NSF: variants seen among roughly 807,000 people sequenced by gnomAD.
NSF encodes N-ethylmaleimide sensitive factor, vesicle fusing ATPase, also known as vesicle-fusing ATPase.
A neutral mutation model predicts 50.3 loss-of-function variants in NSF; 14 were observed. The observed-to-expected ratio is 0.28, with a 90% CI of 0.18 to 0.44. The LOEUF is 0.44. Among genes scored for constraint, NSF ranks in the 20% least tolerant of loss-of-function variants. The probability of loss-of-function intolerance (pLI) is 1.00; values close to 1 mark genes in which losing one functional copy is unlikely to be tolerated. For synonymous variants in NSF, 109 were observed against 175.7 expected, an observed-to-expected ratio of 0.62 and a Z score of 3.00; for missense variants, 218 against 504.3, an observed-to-expected ratio of 0.43 and a Z score of 5.44.
intron 17 of NSF, among the ~76,000 whole-genome samples, chr17:46,737,264 A>AG (rs1485002716): frequency 6.6e-6 from 1 of 152,220 alleles, no homozygotes; most frequent in Non-Finnish European, 1.5e-5. Flanking sequence ...CTGCCCACCA[A>AG]GGAGTCCACC....
Position 46,755,924 on chromosome 17 carries a change from C to CG in NSF, c.*102dup. ...ACTCAAGATACTGGACTAAGTGGAACGTTCTCTACCTTCAACATGTGCTCG... is the reference window on the plus strand; with the variant it reads ...ACTCAAGATACTGGACTAAGTGGAACGGTTCTCTACCTTCAACATGTGCTCG... On this transcript the variant is annotated 3_prime_UTR_variant, in exon 21 of 21. Coordinates refer to ENST00000398238, the MANE Select transcript of NSF (RefSeq NM_006178.4). The CG allele has an allele frequency of 8.8e-7, 1 of 1,139,356 alleles. No individual in the cohort carries two copies. The highest frequency in any genetic ancestry group is 1.3e-6 in the Non-Finnish European group (1 of 778,946). 70.6% of individuals were successfully genotyped at this position (1,139,356 alleles called of 1,614,324 possible). A position where few individuals can be genotyped will look rare whatever the true frequency, so the allele number is the denominator to read the frequency against.
At chr17:46,722,633 A>G (rs1205322645) in intron 15 of NSF, among the ~76,000 whole-genome samples, 1 of 152,218 alleles carries the variant, frequency 6.6e-6, no homozygotes, top group Non-Finnish European at 1.5e-5. Flanking sequence ...GGCCTGGGCC[A>G]GAAAGGGTGA....
intron 17 of NSF, among the ~76,000 whole-genome samples, chr17:46,746,220 A>G (rs187166669): frequency 7.3e-4 from 111 of 152,342 alleles, no homozygotes; most frequent in Non-Finnish European, 6.5e-4. Context: ...AATAATAATA[A>G]TGATTACCCT....
intron 18 of NSF, among the ~76,000 whole-genome samples, chr17:46,750,500 C>A (rs1255088983): frequency 6.6e-6 from 1 of 152,200 alleles, no homozygotes; most frequent in Non-Finnish European, 1.5e-5. Flanking sequence ...TGTTGGCACT[C>A]AGAAAGTTTC....
intron 15 of NSF, among the ~76,000 whole-genome samples, chr17:46,714,904 G>A (rs557907360): frequency 6.6e-6 from 1 of 152,310 alleles, no homozygotes; most frequent in South Asian, 2.1e-4. Context: ...AGTAAAGACA[G>A]CTCAGGGTTT....
Position 46,751,565 on chromosome 17 carries a change from G to A in NSF, c.2106G>A (p.Lys702=), listed in dbSNP as rs199533. ...TTIAQQVKGK[K]VWIGIKKLLM... Reference sequence around the variant, plus strand: ...TTGCACAGCAAGTCAAAGGGAAGAAGGTCTGGATAGGAATCAAGAAGTTAC... The same window carrying A: ...TTGCACAGCAAGTCAAAGGGAAGAAAGTCTGGATAGGAATCAAGAAGTTAC... Residue 702 remains lysine (K), a synonymous_variant, in exon 19 of 21, where the codon AAG becomes AAA. Coordinates refer to ENST00000398238, the MANE Select transcript of NSF (RefSeq NM_006178.4). 0.18 allele frequency: 287,469 copies of A among 1,613,040 alleles called. 29,444 individuals carry two copies. Among genetic ancestry groups the A allele is most frequent in the Non-Finnish European group, 0.21 (247,985 of 1,179,110 alleles).
chr17:46,753,558 A>C (rs2059204511), intron 19 of NSF, among the ~76,000 whole-genome samples: 2 of 152,174 alleles, frequency 1.3e-5, no homozygotes, highest in Non-Finnish European at 2.9e-5. Flanking sequence ...CCTTGAAAAA[A>C]AGATAAATCT....
chr17:46,735,624 G>A (rs964229297), intron 17 of NSF, among the ~76,000 whole-genome samples: 1 of 152,122 alleles, frequency 6.6e-6, no homozygotes, highest in African/African-American at 2.4e-5. Flanking sequence ...AAGATAATGT[G>A]TAGTGAAGCC....
intron 19 of NSF, among the ~76,000 whole-genome samples, chr17:46,754,721 C>T (rs531162742): frequency 3.9e-5 from 6 of 152,290 alleles, no homozygotes; most frequent in South Asian, 2.1e-4. Flanking sequence ...ATGACACATT[C>T]GCAGTCACAG....
At chr17:46,717,923 A>G (rs897027897) in intron 15 of NSF, among the ~76,000 whole-genome samples, 12 of 152,190 alleles carry the variant, frequency 7.9e-5, no homozygotes, top group African/African-American at 2.7e-4. Flanking sequence ...GCCTTCAGCA[A>G]GACAACAAAG....
rs192058955 is a variant in NSF at position 46,754,584 on chromosome 17, C to T, written c.2158-730C>T. 1.4e-4 allele frequency among the ~76,000 whole-genome samples: 21 copies of T among 152,242 alleles called. No individual in the cohort carries two copies. In the South Asian group the frequency reaches 1.5e-3, roughly 11 times the overall value. On this transcript the variant is annotated intron_variant, in intron 19 of 20. Coordinates refer to ENST00000398238, the MANE Select transcript of NSF (RefSeq NM_006178.4). ...TAACTTCATATCTCCTGTGGGCCTA[C>T]GAGAATAAAGTACATTTAACGAGTT...
intron 12 of NSF, among the ~76,000 whole-genome samples, chr17:46,703,691 A>C (rs1216501297): frequency 2.4e-4 from 36 of 151,230 alleles, no homozygotes; most frequent in East Asian, 1.2e-3. Context: ...AAAAAAAAAA[A>C]AAAAAAAAAA....
rs761093212 is a variant in NSF at position 46,755,806 on chromosome 17, C to G, written c.2218C>G (p.Pro740Ala). 1 of 1,610,746 alleles carries G rather than the reference C, an allele frequency of 6.2e-7. No individual in the cohort carries two copies. The highest frequency in any genetic ancestry group is 8.5e-7 in the Non-Finnish European group (1 of 1,179,496). ...GTTTTGGTATTTCTTTTGCAGTAGC[C>G]CCCTTGATTTTGATTGAAAATGAAC... ...LALLREEGAS[P>A]LDFD Residue 740 changes from proline to alanine, a missense_variant, in exon 21 of 21, where the codon CCC (proline) becomes GCC (alanine). By Grantham distance (27) the Pro-to-Ala change is conservative (BLOSUM62 -1). Transcript: ENST00000398238.
intron 9 of NSF, among the ~76,000 whole-genome samples, chr17:46,690,626 T>A (rs868446576): frequency 0.069 from 3,325 of 47,870 alleles, 77 homozygotes; most frequent in Middle Eastern, 0.2. Context: ...AAAAAAAAAA[T>A]ATATATATAT....
In NSF at chr17:46,748,439, A is replaced by G. The variant is rs563091165; in HGVS notation, c.1909-1334A>G. 1.1e-4 allele frequency among the ~76,000 whole-genome samples: 17 copies of G among 152,302 alleles called. No individual in the cohort carries two copies. The South Asian group carries it at 2.9e-3, about 26-fold the overall frequency. ...TAACCTTATTTTTTACAACTAGCCA[A>G]ACTATTAAGACAAAGGATACAATAG... is the stretch of plus-strand genomic sequence containing the variant. On this transcript the variant is annotated intron_variant, in intron 17 of 20. Coordinates refer to ENST00000398238, the MANE Select transcript of NSF (RefSeq NM_006178.4).
At chr17:46,728,773 C>CAAAAAAA in intron 16 of NSF, 82 bp from the exon 17 acceptor site, 1 of 720,956 alleles carries the variant, frequency 1.4e-6, no homozygotes, top group Non-Finnish European at 2.1e-6. Context: ...ACTTTTGATG[C>CAAAAAAA]AAAAAAAAAA....
chr17:46,708,768 A>G (rs1313927630), intron 13 of NSF, among the ~76,000 whole-genome samples: 1 of 143,116 alleles, frequency 7.0e-6, no homozygotes, highest in Non-Finnish European at 1.5e-5. Context: ...TGCTAGGATT[A>G]TGGGCATGAG....
intron 16 of NSF, 52 bp downstream of exon 16, chr17:46,726,667 T>C (rs766387517): frequency 6.9e-7 from 1 of 1,457,784 alleles, no homozygotes; most frequent in Non-Finnish European, 9.6e-7. Context: ...ACAGCTAATA[T>C]CTCAAAAGTT....
chr17:46,748,163 A>C lies in NSF; in HGVS notation c.1909-1610A>C, dbSNP rs537395558. Among the ~76,000 whole-genome samples the C allele has an allele frequency of 3.9e-5, 6 of 152,194 alleles. No individual in the cohort carries two copies. In the South Asian group the frequency reaches 1.2e-3, roughly 32 times the overall value. The stretch of plus-strand genomic sequence containing the variant: ...GCTCTTGTTGCCCAGGCTGGAGTGC[A>C]ATGGCGTGATCTTGGCTCGGCTCAC... On this transcript the variant is annotated intron_variant, in intron 17 of 20. Transcript: ENST00000398238.
Sources: allele counts gnomAD v4.1 joint callset (sites outside exome capture counted in the v4.1 genomes callset), GRCh38; gene constraint gnomAD v4.1.1; transcripts MANE v1.5; gene names NCBI Gene and HGNC (gene_info 2026-07-23, HGNC 2026-07-21).